The following CYP46A1 variants were observed in gnomAD, a reference collection of about 807,000 sequenced individuals.
The protein encoded by CYP46A1 is cholesterol 24-hydroxylase.
CYP46A1 carries 20 observed loss-of-function variants against 63.3 expected under a neutral mutation model. The ratio of observed to expected loss-of-function variants is 0.32; its 90% CI spans 0.22 to 0.46. The LOEUF is 0.46. CYP46A1 is among the 20% of genes least tolerant of loss of function. The pLI, the probability that CYP46A1 is intolerant of heterozygous loss-of-function variation, is 1.00. For missense variants in CYP46A1, 445 were observed against 670.8 expected (o/e 0.66, Z 3.72); for synonymous variants, 268 against 273.6 (o/e 0.98, Z 0.20).
At chr14:99,686,494 C>T (rs1175695433) in intron 1 of CYP46A1, among the ~76,000 whole-genome samples, 1 of 152,182 alleles carries the variant, frequency 6.6e-6, no homozygotes, top group African/African-American at 2.4e-5. Flanking sequence ...CATTAGCCAT[C>T]ACTCCTCATT....
At chr14:99,712,266 A>G (rs929030910) in intron 7 of CYP46A1, 3 of 152,190 alleles carry the variant, frequency 2.0e-5, no homozygotes, top group Non-Finnish European at 4.4e-5. Flanking sequence ...TATTCAACGT[A>G]GTACTATTAA....
chr14:99,706,521 A>G, intron 5 of CYP46A1, 126 bp from the exon 6 acceptor site: 1 of 1,305,382 alleles, frequency 7.7e-7, no homozygotes, highest in South Asian at 1.4e-5. Flanking sequence ...AGGGGAGGCC[A>G]GAAAGACTGG....
chr14:99,699,486 G>A lies in CYP46A1; in HGVS notation c.303G>A (p.Lys101=). 6.2e-7 allele frequency: 1 copy of A among 1,614,170 alleles called. No homozygotes were observed. The highest frequency in any genetic ancestry group is 8.5e-7 in the Non-Finnish European group (1 of 1,180,034). ...TTTAGAAGTTCCTGATGTCAACCAA[G>A]TACAACAAGGACTCCAAGATGTACC... The part of the protein sequence containing the change: ...ESVKKFLMST[K]YNKDSKMYRA... Residue 101 remains lysine, a synonymous_variant, in exon 4 of 15, where the codon AAG becomes AAA. Transcript: ENST00000261835.
intron 3 of CYP46A1, among the ~76,000 whole-genome samples, chr14:99,692,340 A>G (rs187966168): frequency 0.01 from 1,566 of 152,378 alleles, 25 homozygotes; most frequent in Non-Finnish European, 0.016. Context: ...GACTCTTATT[A>G]GTCCCTTGGC....
chr14:99,726,452 A>C, intron 14 of CYP46A1, 105 bp from the exon 15 acceptor site: 1 of 1,268,216 alleles, frequency 7.9e-7, no homozygotes, highest in Non-Finnish European at 1.1e-6. Flanking sequence ...CCAGGCTCTC[A>C]CAGGCTCTCC....
chr14:99,711,046 C>T (rs2056726122), intron 7 of CYP46A1: 1 of 152,012 alleles, frequency 6.6e-6, no homozygotes, highest in African/African-American at 2.4e-5. Context: ...AAACAATATA[C>T]TCCTGAATGA....
chr14:99,685,183 G>T (rs1163613047), intron 1 of CYP46A1, among the ~76,000 whole-genome samples: 1 of 149,258 alleles, frequency 6.7e-6, no homozygotes, highest in Non-Finnish European at 1.5e-5. Context: ...ACTAAATGCA[G>T]TTCTAAATTA....
In CYP46A1 at chr14:99,725,311, CT is replaced by C; in HGVS notation, c.1177-79del. ...GGGACCCACTCTGCTCTGAGTAGCCCTGTTGGGTGGCCTCAGTGGCTCAAGA... is the reference window on the plus strand; with the variant it reads ...GGGACCCACTCTGCTCTGAGTAGCCCGTTGGGTGGCCTCAGTGGCTCAAGA... On this transcript the variant is annotated intron_variant, in intron 12 of 14. Coordinates refer to ENST00000261835, the MANE Select transcript of CYP46A1 (RefSeq NM_006668.2). This position sits in a 1 kb window ranked among gnomAD's most constrained non-coding sequence, Gnocchi z 4.2. 9.0e-7 allele frequency: 1 copy of C among 1,106,832 alleles called. No individual in the cohort carries two copies. Among genetic ancestry groups the C allele is most frequent in the Non-Finnish European group, 1.4e-6 (1 of 723,680 alleles). The allele number at this position is 1,106,832 out of a possible 1,614,324, so 68.6% of individuals were successfully genotyped here.
intron 3 of CYP46A1, among the ~76,000 whole-genome samples, chr14:99,695,047 A>G (rs1015408722): frequency 1.3e-5 from 2 of 152,186 alleles, no homozygotes; most frequent in Non-Finnish European, 2.9e-5. Context: ...TCTTTGAACC[A>G]TGGATTATTT....
At chr14:99,726,348 G>GGCGCTGCT in intron 14 of CYP46A1, 92 bp downstream of exon 14, 1 of 1,301,774 alleles carries the variant, frequency 7.7e-7, no homozygotes, top group Non-Finnish European at 1.1e-6. Flanking sequence ...CCCCTGCTCT[G>GGCGCTGCT]GGGCTGCTGG....
At position 99,726,597 on chromosome 14, in the gene CYP46A1, T is replaced by C; in HGVS notation, c.1373T>C (p.Leu458Pro). ...GTCATGGCAAAGCTGCTGCAGAGGC[T>C]GGAGTTCCGGCTGGTGCCCGGGCAG... ...KVVMAKLLQRLEFRLVPGQRF... is the reference protein window; with the variant it reads ...KVVMAKLLQRPEFRLVPGQRF... Residue 458 changes from leucine (L) to proline (P), a missense_variant, in exon 15 of 15, where the codon CTG (leucine) becomes CCG (proline). Physicochemically the swap from Leu to Pro is moderately conservative, Grantham distance 98. Transcript: ENST00000261835. 6.3e-7 allele frequency: 1 copy of C among 1,591,082 alleles called. No homozygotes were observed. The highest frequency in any genetic ancestry group is 8.5e-7 in the Non-Finnish European group (1 of 1,170,432).
intron 2 of CYP46A1, 136 bp downstream of exon 2, chr14:99,691,297 C>T (rs562469745): frequency 2.7e-5 from 23 of 841,260 alleles, no homozygotes; most frequent in African/African-American, 6.7e-5. Flanking sequence ...AGTTCCTCCC[C>T]TGAGTGGAGG....
rs772079641 is a variant in CYP46A1, at chr14:99,725,472, G to A, written c.1258G>A (p.Ala420Thr). Residue 420 changes from alanine to threonine, a missense_variant, in exon 13 of 15, where the codon GCA (alanine) becomes ACA (threonine). Ala to Thr is a moderately conservative substitution (Grantham distance 58). Coordinates refer to ENST00000261835, the MANE Select transcript of CYP46A1 (RefSeq NM_006668.2). The surrounding 1 kb of genome is among the most constrained non-coding windows in gnomAD (Gnocchi z 4.2). Reference sequence around the variant, plus strand: ...CAACCCCGATCGCTTCGGCCCTGGAGCACCCAAGTAAGTCCCTCCTGGAGC... The same window carrying A: ...CAACCCCGATCGCTTCGGCCCTGGAACACCCAAGTAAGTCCCTCCTGGAGC... ...TFNPDRFGPG[A>T]PKPRFTYFPF... 1.2e-6 allele frequency: 2 copies of A among 1,613,586 alleles called. No individual in the cohort carries two copies. The highest frequency in any genetic ancestry group is 3.3e-5 in the Admixed American group (2 of 60,030).
intron 10 of CYP46A1, 32 bp downstream of exon 10, chr14:99,718,158 G>A (rs2056809696): frequency 6.2e-7 from 1 of 1,600,726 alleles, no homozygotes; most frequent in African/African-American, 1.3e-5. Context: ...CTGGCAAAGA[G>A]GTCTGTCTGA....
Position 99,725,313 on chromosome 14 carries a change from G to A in CYP46A1, c.1177-78G>A. 2 of 1,142,192 alleles carry A rather than the reference G, an allele frequency of 1.8e-6. No individual in the cohort carries two copies. The highest frequency in any genetic ancestry group is 2.6e-6 in the Non-Finnish European group (2 of 755,142). The allele number at this position is 1,142,192 out of a possible 1,614,324, so 70.8% of individuals were successfully genotyped here. ...GACCCACTCTGCTCTGAGTAGCCCT[G>A]TTGGGTGGCCTCAGTGGCTCAAGAG... On this transcript the variant is annotated intron_variant, in intron 12 of 14. Coordinates refer to ENST00000261835, the MANE Select transcript of CYP46A1 (RefSeq NM_006668.2). The surrounding 1 kb of genome is among the most constrained non-coding windows in gnomAD (Gnocchi z 4.2).
intron 1 of CYP46A1, 130 bp downstream of exon 1, chr14:99,684,666 C>A (rs1385611958): frequency 1.4e-6 from 1 of 736,532 alleles, no homozygotes; most frequent in Middle Eastern, 3.0e-4. Flanking sequence ...GTCGGCGGCC[C>A]CGAGAGGGGC....
chr14:99,695,493 TG>T, intron 3 of CYP46A1: 1 of 385,058 alleles, frequency 2.6e-6, no homozygotes, highest in South Asian at 2.0e-5. Context: ...ACATTTAGGA[TG>T]GATTTGTCTT....
chr14:99,711,168 G>T (rs1427894664), intron 7 of CYP46A1: 1 of 152,084 alleles, frequency 6.6e-6, no homozygotes, highest in African/African-American at 2.4e-5. Flanking sequence ...AGTGCTAAGA[G>T]CGATGTTTAT....
At chr14:99,715,324 A>T (rs2056778148) in intron 7 of CYP46A1, among the ~76,000 whole-genome samples, 1 of 152,216 alleles carries the variant, frequency 6.6e-6, no homozygotes, top group Non-Finnish European at 1.5e-5. Flanking sequence ...GCAGCTCCAC[A>T]TATCACCTCC....
Sources: allele counts gnomAD v4.1 joint callset (sites outside exome capture counted in the v4.1 genomes callset), GRCh38; gene constraint gnomAD v4.1.1; non-coding constraint Gnocchi (gnomAD v3.1); transcripts MANE v1.5; gene names NCBI Gene and HGNC (gene_info 2026-07-23, HGNC 2026-07-21).